The following FBXL13 variants were observed in gnomAD, a reference collection of about 807,000 sequenced individuals.
FBXL13 encodes F-box and leucine rich repeat protein 13.
In FBXL13, 67 loss-of-function variants were observed where a neutral mutation model predicts 83.6. The observed-to-expected ratio is 0.80, with a 90% CI of 0.66 to 0.98. The LOEUF is 0.98. FBXL13 is among the 50% of genes least tolerant of loss of function. The pLI, the probability that FBXL13 is intolerant of heterozygous loss-of-function variation, is 0.00. For synonymous variants in FBXL13, 272 were observed against 299.5 expected, an observed-to-expected ratio of 0.91 and a Z score of 0.95; for missense variants, 822 against 866.5, an observed-to-expected ratio of 0.95 and a Z score of 0.64.
At chr7:102,969,119 T>A (rs1826302928) in intron 6 of FBXL13, among the ~76,000 whole-genome samples, 1 of 152,200 alleles carries the variant, frequency 6.6e-6, no homozygotes, top group South Asian at 2.1e-4. Flanking sequence ...GGCCTTCACA[T>A]TCACTCAACA....
chr7:102,861,875 G>A (rs11970869), intron 16 of FBXL13, among the ~76,000 whole-genome samples: 28,866 of 151,658 alleles, frequency 0.19, 2,990 homozygotes, highest in East Asian at 0.43. Flanking sequence ...CCGGCTACTC[G>A]GGAGGATGAG....
At chr7:102,853,416 C>T (rs1191011586) in intron 17 of FBXL13, among the ~76,000 whole-genome samples, 1 of 151,934 alleles carries the variant, frequency 6.6e-6, no homozygotes, top group African/African-American at 2.4e-5. Flanking sequence ...CCATAAAAAC[C>T]CTAGAAGAAA....
chr7:102,901,436 T>C (rs764857935), intron 11 of FBXL13, among the ~76,000 whole-genome samples: 1 of 152,188 alleles, frequency 6.6e-6, no homozygotes, highest in Non-Finnish European at 1.5e-5. Context: ...CAAGTTCTTT[T>C]AAAATGTACA....
At chr7:102,841,997 T>C (rs1803027221) in intron 17 of FBXL13, among the ~76,000 whole-genome samples, 1 of 152,210 alleles carries the variant, frequency 6.6e-6, no homozygotes, top group South Asian at 2.1e-4. Context: ...CCCAATACCC[T>C]GTAAAACACT....
chr7:103,065,421 C>T (rs540116903), intron 1 of FBXL13, among the ~76,000 whole-genome samples: 7 of 152,194 alleles, frequency 4.6e-5, no homozygotes, highest in East Asian at 3.9e-4. Flanking sequence ...ACCCACACCC[C>T]GGGTGTGGTT....
intron 11 of FBXL13, among the ~76,000 whole-genome samples, chr7:102,903,206 TC>T (rs1334730812): frequency 6.6e-6 from 1 of 152,120 alleles, no homozygotes; most frequent in African/African-American, 2.4e-5. Context: ...CATTTTTATT[TC>T]TTTTTCATAT....
At chr7:103,026,896 G>C (rs1245704941) in intron 5 of FBXL13, among the ~76,000 whole-genome samples, 1 of 151,990 alleles carries the variant, frequency 6.6e-6, no homozygotes. Context: ...AAAAAATCCA[G>C]CATGTTTCTA....
chr7:103,012,353 T>G, intron 6 of FBXL13, among the ~76,000 whole-genome samples: 1 of 136,694 alleles, frequency 7.3e-6, no homozygotes, highest in Admixed American at 8.2e-5. Flanking sequence ...CCAGCCTGGG[T>G]GACAGAGTGA....
chr7:102,994,183 T>C (rs775645308), intron 6 of FBXL13, among the ~76,000 whole-genome samples: 10 of 152,134 alleles, frequency 6.6e-5, no homozygotes, highest in Admixed American at 1.3e-4. Flanking sequence ...ATTATATAAA[T>C]CTACTCTTAT....
In FBXL13 at chr7:102,824,098, T is replaced by C. The variant is rs571556640; in HGVS notation, c.1855-1895A>G. ...GAGCCTGACAGTTCCTGTAGATCAG[T>C]AGCTCATGTTGTTCAATGACTGATG... On this transcript the variant is annotated intron_variant, in intron 18 of 19. Transcript: ENST00000313221. 1.6e-3 allele frequency among the ~76,000 whole-genome samples: 249 copies of C among 152,332 alleles called. 1 individual carries two copies. Among genetic ancestry groups the C allele is most frequent in the African/African-American group, 5.5e-3 (229 of 41,580 alleles).
At chr7:102,827,938 C>T (rs555638819) in intron 18 of FBXL13, among the ~76,000 whole-genome samples, 69 of 152,212 alleles carry the variant, frequency 4.5e-4, no homozygotes, top group East Asian at 2.9e-3. Flanking sequence ...TTCCATTGGT[C>T]TATATCTCTG....
chr7:102,829,844 A>G (rs1800344961), intron 18 of FBXL13, among the ~76,000 whole-genome samples: 1 of 152,200 alleles, frequency 6.6e-6, no homozygotes, highest in Non-Finnish European at 1.5e-5. Flanking sequence ...CGGCTCATCA[A>G]AATCAACATA....
intron 11 of FBXL13, among the ~76,000 whole-genome samples, chr7:102,906,549 T>C (rs1478674725): frequency 6.6e-6 from 1 of 152,194 alleles, no homozygotes; most frequent in Non-Finnish European, 1.5e-5. Flanking sequence ...GTTGATGAAG[T>C]CCCTCAGCTT....
chr7:102,934,447 G>T, intron 8 of FBXL13: 1 of 1,614,162 alleles, frequency 6.2e-7, no homozygotes, highest in Non-Finnish European at 8.5e-7. Context: ...TTTCAATGTT[G>T]CAGATTCCCA....
chr7:102,830,455 C>G (rs1372259032), intron 18 of FBXL13, among the ~76,000 whole-genome samples: 1 of 152,198 alleles, frequency 6.6e-6, no homozygotes, highest in Non-Finnish European at 1.5e-5. Context: ...GTCAGTTGGT[C>G]AGCGCTTCTA....
At chr7:102,943,521 C>T (rs555972659) in intron 8 of FBXL13, among the ~76,000 whole-genome samples, 1 of 152,248 alleles carries the variant, frequency 6.6e-6, no homozygotes, top group South Asian at 2.1e-4. Flanking sequence ...GAAATTCTCT[C>T]CACAAAGGTA....
At chr7:103,055,886 A>G (rs1163720596) in intron 1 of FBXL13, 139 bp from the exon 2 acceptor site, 1 of 410,318 alleles carries the variant, frequency 2.4e-6, no homozygotes, top group Non-Finnish European at 4.6e-6. Flanking sequence ...TTTGGGGAAC[A>G]GGTGGTGTTT....
chr7:102,890,733 C>T (rs1232346845), intron 11 of FBXL13, among the ~76,000 whole-genome samples: 1 of 152,176 alleles, frequency 6.6e-6, no homozygotes, highest in Non-Finnish European at 1.5e-5. Flanking sequence ...ATGAAGCTTC[C>T]ACTTCCCACT....
rs867167684 is a variant in FBXL13, at chr7:102,840,301, T to C, written c.1720-7327A>G. Among the ~76,000 whole-genome samples the C allele has an allele frequency of 6.6e-5, 10 of 152,340 alleles. No homozygotes were observed. In the Middle Eastern group the frequency reaches 0.01, roughly 157 times the overall value. On this transcript the variant is annotated intron_variant, in intron 17 of 19. Transcript: ENST00000313221. Reference sequence around the variant, plus strand: ...TCTCCAAAATAAAAATGAACCAGGATTGAATTACCCAAATGGCAATCAGAT... The same window carrying C: ...TCTCCAAAATAAAAATGAACCAGGACTGAATTACCCAAATGGCAATCAGAT...
Sources: allele counts gnomAD v4.1 joint callset (sites outside exome capture counted in the v4.1 genomes callset), GRCh38; gene constraint gnomAD v4.1.1; transcripts MANE v1.5; gene names NCBI Gene and HGNC (gene_info 2026-07-23, HGNC 2026-07-21).